Variants in SMOC1 observed in about 807,000 individuals in gnomAD.
SMOC1 encodes the protein SPARC-related modular calcium-binding protein 1.
A neutral mutation model predicts 56.3 loss-of-function variants in SMOC1; 22 were observed. The ratio of observed to expected loss-of-function variants is 0.39; its 90% CI spans 0.28 to 0.56. SMOC1 has a LOEUF of 0.56. Among genes scored for constraint, SMOC1 ranks in the 20% least tolerant of loss-of-function variants. SMOC1 has a pLI of 0.61. For missense variants in SMOC1, 509 were observed against 565.4 expected, an observed-to-expected ratio of 0.90 and a Z score of 1.01; for synonymous variants, 193 against 215.0, an observed-to-expected ratio of 0.90 and a Z score of 0.89.
Position 69,901,119 on chromosome 14 carries a change from T to A in SMOC1, c.99+21342T>A, listed in dbSNP as rs1884231325. ...GTGATGAAATTTAAAATGAGAGATA[T>A]CTTTTCTCAGCTCCTTCTCCCATAC... On this transcript the variant is annotated intron_variant, in intron 1 of 11. Transcript: ENST00000361956. Among the ~76,000 whole-genome samples the A allele has an allele frequency of 2.0e-5, 3 of 152,316 alleles. No individual in the cohort carries two copies. The South Asian group carries it at 6.2e-4, about 32-fold the overall frequency.
chr14:69,957,762 A>G lies in SMOC1; in HGVS notation c.378+4230A>G, dbSNP rs543139002. On this transcript the variant is annotated intron_variant, in intron 3 of 11. Transcript: ENST00000361956. ...AAATGGCCAGTTCTGTTTCATCTTT[A>G]CCTCATTTCCATCTCCTGCCCCCAA... Among the ~76,000 whole-genome samples, 308 of 152,306 alleles carry G rather than the reference A, an allele frequency of 2.0e-3. 2 individuals carry two copies. Among genetic ancestry groups the G allele is most frequent in the African/African-American group, 6.9e-3 (285 of 41,560 alleles).
At chr14:69,893,540 G>A (rs1182529406) in intron 1 of SMOC1, among the ~76,000 whole-genome samples, 1 of 152,148 alleles carries the variant, frequency 6.6e-6, no homozygotes, top group Non-Finnish European at 1.5e-5. Context: ...AGTGGTAAGA[G>A]CATAAAGGAG....
At chr14:69,992,153 C>T (rs1291173284) in intron 5 of SMOC1, among the ~76,000 whole-genome samples, 1 of 152,188 alleles carries the variant, frequency 6.6e-6, no homozygotes, top group Non-Finnish European at 1.5e-5. Context: ...GAGAAACGGT[C>T]CCCCAAAGCC....
intron 5 of SMOC1, among the ~76,000 whole-genome samples, chr14:69,991,610 A>G (rs1018150307): frequency 6.6e-6 from 1 of 152,210 alleles, no homozygotes; most frequent in Non-Finnish European, 1.5e-5. Context: ...TGCTGTGCAG[A>G]GAGGACTGCC....
chr14:69,889,514 C>A (rs1249728616), intron 1 of SMOC1, among the ~76,000 whole-genome samples: 1 of 152,198 alleles, frequency 6.6e-6, no homozygotes. Context: ...CTGTTGGGCA[C>A]CCGGGCTAGT....
chr14:70,008,855 T>TG (rs1205972454), intron 7 of SMOC1, among the ~76,000 whole-genome samples: 1 of 152,224 alleles, frequency 6.6e-6, no homozygotes, highest in East Asian at 1.9e-4. Flanking sequence ...AAATTGGGGT[T>TG]GGGGGAGCTA....
At chr14:69,958,067 A>C (rs1883251042) in intron 3 of SMOC1, among the ~76,000 whole-genome samples, 1 of 152,206 alleles carries the variant, frequency 6.6e-6, no homozygotes. Context: ...AATATATACA[A>C]ATTTTAAATT....
chr14:69,991,535 T>G (rs1391203885), intron 5 of SMOC1, among the ~76,000 whole-genome samples: 1 of 152,148 alleles, frequency 6.6e-6, no homozygotes, highest in Non-Finnish European at 1.5e-5. Flanking sequence ...GGGGCCCTGA[T>G]GAAAGAACTC....
In SMOC1 at chr14:69,955,365, C is replaced by T. The variant is rs185436397; in HGVS notation, c.378+1833C>T. Among the ~76,000 whole-genome samples the T allele has an allele frequency of 3.3e-5, 5 of 152,150 alleles. No homozygotes were observed. In the East Asian group the frequency reaches 5.8e-4, roughly 18 times the overall value. ...AGCCCCCACCCCTCAGGTAAGTCCC[C>T]GAGCTTCTCTGGGGTCAGAATTTCC... On this transcript the variant is annotated intron_variant, in intron 3 of 11. Transcript: ENST00000361956.
intron 1 of SMOC1, among the ~76,000 whole-genome samples, chr14:69,911,650 T>C (rs1219094418): frequency 6.6e-6 from 1 of 152,244 alleles, no homozygotes; most frequent in Non-Finnish European, 1.5e-5. Flanking sequence ...CTATAATGCA[T>C]TTGCCATTCA....
intron 9 of SMOC1, among the ~76,000 whole-genome samples, chr14:70,011,806 T>C (rs1445143914): frequency 6.6e-6 from 1 of 152,216 alleles, no homozygotes; most frequent in Non-Finnish European, 1.5e-5. Flanking sequence ...TAAAATCCCG[T>C]CTGCAGTTCC....
In SMOC1 at chr14:69,942,294, G is replaced by A. The variant is rs1231656475; in HGVS notation, c.100-9844G>A. Among the ~76,000 whole-genome samples the A allele has an allele frequency of 2.6e-5, 4 of 152,158 alleles. No individual in the cohort carries two copies. In the East Asian group the frequency reaches 7.7e-4, roughly 29 times the overall value. ...CCTAGCATGGTGGCTTGTATTAAAG[G>A]GGGTGGGCAGAGAAATCGCCAGAAA... On this transcript the variant is annotated intron_variant, in intron 1 of 11. Transcript: ENST00000361956.
chr14:69,881,958 C>T (rs1320147082), intron 1 of SMOC1, among the ~76,000 whole-genome samples: 1 of 152,210 alleles, frequency 6.6e-6, no homozygotes, highest in African/African-American at 2.4e-5. Flanking sequence ...TGTGTGCTCT[C>T]CCCACCACCA....
rs765863896 is a variant in SMOC1, at chr14:70,010,813, C to T, written c.724C>T (p.Pro242Ser). 1 of 1,614,214 alleles carries T rather than the reference C, an allele frequency of 6.2e-7. No individual in the cohort carries two copies. The highest frequency in any genetic ancestry group is 1.1e-5 in the South Asian group (1 of 91,086). ...TGCCCTGGAAGAGGCCCAGCAGAAT[C>T]CCCGTGAGGGTATTGTCATCCCTGA... The part of the protein sequence containing the change: ...QSALEEAQQN[P>S]REGIVIPECA... The change falls in exon 8 of 12, where the codon CCC becomes TCC. Residue 242 changes from proline to serine, a missense_variant. Pro to Ser is a moderately conservative substitution (Grantham distance 74). Around this residue, in one of 3 missense-constraint regions of SMOC1, gnomAD observed 315 missense variants for 333.1 expected, o/e 0.95. Coordinates refer to ENST00000361956, the MANE Select transcript of SMOC1 (RefSeq NM_001034852.3).
intron 1 of SMOC1, among the ~76,000 whole-genome samples, chr14:69,937,777 CAT>C (rs1882375517): frequency 6.6e-6 from 1 of 152,108 alleles, no homozygotes; most frequent in African/African-American, 2.4e-5. Context: ...TGCATGCTCA[CAT>C]GTGTGCATGT....
At chr14:69,971,675 A>G (rs1883768265) in intron 3 of SMOC1, among the ~76,000 whole-genome samples, 1 of 152,244 alleles carries the variant, frequency 6.6e-6, no homozygotes, top group Non-Finnish European at 1.5e-5. Context: ...ATAAATCTGC[A>G]AGGGAGGAAG....
intron 3 of SMOC1, among the ~76,000 whole-genome samples, chr14:69,973,174 A>G (rs1365891777): frequency 6.6e-6 from 1 of 152,160 alleles, no homozygotes; most frequent in Non-Finnish European, 1.5e-5. Flanking sequence ...TCAACTCCAC[A>G]TTTCCAGCAG....
intron 3 of SMOC1, among the ~76,000 whole-genome samples, chr14:69,958,529 G>C (rs767067420): frequency 6.6e-6 from 1 of 152,152 alleles, no homozygotes; most frequent in African/African-American, 2.4e-5. Flanking sequence ...AGCAAAAACT[G>C]GGAAAAGATG....
intron 1 of SMOC1, among the ~76,000 whole-genome samples, chr14:69,900,179 G>C (rs184479122): frequency 9.7e-4 from 147 of 152,294 alleles, no homozygotes; most frequent in African/African-American, 3.1e-3. Flanking sequence ...AGGAAGAGAG[G>C]AGGAAGGCCC....
Sources: allele counts gnomAD v4.1 joint callset (sites outside exome capture counted in the v4.1 genomes callset), GRCh38; gene constraint gnomAD v4.1.1; regional missense constraint gnomAD v4.1.1; transcripts MANE v1.5; gene names NCBI Gene and HGNC (gene_info 2026-07-23, HGNC 2026-07-21).